EP400: variants seen among roughly 807,000 people sequenced by gnomAD.
EP400 encodes the protein E1A-binding protein p400.
A neutral mutation model predicts 354.1 loss-of-function variants in EP400; 105 were observed. The observed-to-expected ratio is 0.30, with a 90% CI of 0.25 to 0.35. The LOEUF is 0.35. EP400 is among the 10% of genes least tolerant of loss of function. The pLI, the probability that EP400 is intolerant of heterozygous loss-of-function variation, is 1.00. For missense variants in EP400, 3,280 were observed against 4,121.0 expected, an observed-to-expected ratio of 0.80 and a Z score of 5.59; for synonymous variants, 1,646 against 1,716.9, an observed-to-expected ratio of 0.96 and a Z score of 1.02.
At chr12:132,030,595 T>A (rs1227385066) in intron 29 of EP400, among the ~76,000 whole-genome samples, 2 of 152,202 alleles carry the variant, frequency 1.3e-5, no homozygotes, top group African/African-American at 4.8e-5. Flanking sequence ...CATAAACTAG[T>A]ATAGTTCTAG....
intron 32 of EP400, among the ~76,000 whole-genome samples, chr12:132,041,980 T>C: frequency 6.8e-6 from 1 of 147,446 alleles, no homozygotes. Flanking sequence ...TAAGACGGAG[T>C]CCCACTCATC....
chr12:131,971,113 A>G (rs1403482711), intron 2 of EP400, among the ~76,000 whole-genome samples: 1 of 152,138 alleles, frequency 6.6e-6, no homozygotes, highest in Non-Finnish European at 1.5e-5. Context: ...CTGAGGCGGG[A>G]AGATCGCTTG....
Position 132,028,303 on chromosome 12 carries a change from G to A in EP400, c.5381+15G>A, listed in dbSNP as rs368589220. On this transcript the variant is annotated intron_variant, in intron 27 of 52. Transcript: ENST00000389561. ...GTTATTGACAGGTACTGCAGACCTC[G>A]TGACCTTTTCGGTGCTCTCTGGCTG... The A allele has an allele frequency of 8.1e-6, 13 of 1,606,106 alleles. No individual in the cohort carries two copies. The African/African-American group carries it at 1.1e-4, about 13-fold the overall frequency.
In EP400 at chr12:132,050,743, G is replaced by T. The variant is rs115037097; in HGVS notation, c.7394+88G>T. On this transcript the variant is annotated intron_variant, in intron 41 of 52. Transcript: ENST00000389561. This position sits in a 1 kb window ranked among gnomAD's most constrained non-coding sequence, Gnocchi z 4.8. The stretch of plus-strand genomic sequence containing the variant: ...AGTTCAGTGAGTTCAGCAAATCGTT[G>T]TGCACTTAGCGTGTTCAGGCATCAG... 6.0e-4 allele frequency: 923 copies of T among 1,534,564 alleles called. 7 individuals are homozygous for T. In the African/African-American group the frequency reaches 0.01, roughly 17 times the overall value.
intron 32 of EP400, among the ~76,000 whole-genome samples, chr12:132,042,886 C>G (rs1197832501): frequency 6.6e-6 from 1 of 152,250 alleles, no homozygotes. Flanking sequence ...CGTCTGCTGT[C>G]TGTTTCCTGG....
In EP400 at chr12:131,982,168, C is replaced by T. The variant is rs762680481; in HGVS notation, c.1619C>T (p.Thr540Met). The T allele has an allele frequency of 6.7e-5, 108 of 1,607,740 alleles. 1 individual carries two copies. In the East Asian group the frequency reaches 6.9e-4, roughly 10 times the overall value. ...RQSQQQYDPS[T>M]GPPVQNAASL... ...AGTCAGCAGCAGTATGACCCCTCCA[C>T]GGGGCCTCCCGTGCAGAACGCTGCC... is the stretch of plus-strand genomic sequence containing the variant. The change falls in exon 5 of 53, where the codon ACG becomes ATG. Residue 540 changes from threonine (T) to methionine (M), a missense_variant. Physicochemically the swap from Thr to Met is moderately conservative, Grantham distance 81. Coordinates refer to ENST00000389561, the MANE Select transcript of EP400 (RefSeq NM_015409.5).
rs1224791184 is a variant in EP400, at chr12:132,050,061, G to A, written c.7201-262G>A. ...CTGTTTTGTTCCCTCTCCCTCTTGGGGTGATTATGGGGCTTACGTGAGAGA... is the reference window on the plus strand; with the variant it reads ...CTGTTTTGTTCCCTCTCCCTCTTGGAGTGATTATGGGGCTTACGTGAGAGA... On this transcript the variant is annotated intron_variant, in intron 39 of 52. Transcript: ENST00000389561. The surrounding 1 kb of genome is among the most constrained non-coding windows in gnomAD (Gnocchi z 4.8). Among the ~76,000 whole-genome samples the A allele has an allele frequency of 6.6e-6, 1 of 152,188 alleles. No homozygotes were observed. The highest frequency in any genetic ancestry group is 1.9e-4 in the East Asian group (1 of 5,202).
At chr12:132,005,296 T>A in intron 13 of EP400, 112 bp downstream of exon 13, 1 of 679,690 alleles carries the variant, frequency 1.5e-6, no homozygotes, top group Non-Finnish European at 2.3e-6. Context: ...AATAAAAAAT[T>A]AGAAATATTT....
intron 25 of EP400, among the ~76,000 whole-genome samples, chr12:132,026,237 G>T (rs976675923): frequency 1.3e-5 from 2 of 152,196 alleles, no homozygotes; most frequent in Admixed American, 1.3e-4. Context: ...CTCTGTGCCT[G>T]CCTTGGCCCC....
chr12:132,057,775 C>T (rs1389344201), intron 45 of EP400, among the ~76,000 whole-genome samples: 3 of 152,190 alleles, frequency 2.0e-5, no homozygotes, highest in Non-Finnish European at 2.9e-5. Flanking sequence ...TGGAACATCC[C>T]GTATGACCAA....
chr12:131,955,561 C>T (rs1319349412), intron 1 of EP400, among the ~76,000 whole-genome samples: 2 of 152,038 alleles, frequency 1.3e-5, no homozygotes, highest in Admixed American at 6.5e-5. Flanking sequence ...GGATTACGGG[C>T]GTGAGCCAGC....
chr12:132,032,694 G>T (rs1430902153), intron 30 of EP400, among the ~76,000 whole-genome samples: 1 of 150,148 alleles, frequency 6.7e-6, no homozygotes, highest in Non-Finnish European at 1.5e-5. Flanking sequence ...GCAGTGGCAC[G>T]ATCTTGGCTC....
chr12:132,020,513 T>C lies in EP400; in HGVS notation c.4447+295T>C, dbSNP rs867647060. Among the ~76,000 whole-genome samples the C allele has an allele frequency of 5.3e-5, 8 of 152,366 alleles. No homozygotes were observed. In the East Asian group the frequency reaches 9.6e-4, roughly 18 times the overall value. On this transcript the variant is annotated intron_variant, in intron 22 of 52. Transcript: ENST00000389561. The stretch of plus-strand genomic sequence containing the variant: ...TGTTGACAGAGGTGCGTGCGTGCAG[T>C]CGTCTAGGAGACTCCTGAGAACGTC...
In EP400 at chr12:132,017,811, A is replaced by T; in HGVS notation, c.4110+90A>T. 7.3e-7 allele frequency: 1 copy of T among 1,369,672 alleles called. No homozygotes were observed. The highest frequency in any genetic ancestry group is 9.7e-7 in the Non-Finnish European group (1 of 1,030,944). 84.8% of individuals were successfully genotyped at this position (1,369,672 alleles called of 1,614,324 possible). A position where few individuals can be genotyped will look rare whatever the true frequency, so the allele number is the denominator to read the frequency against. On this transcript the variant is annotated intron_variant, in intron 20 of 52. Coordinates refer to ENST00000389561, the MANE Select transcript of EP400 (RefSeq NM_015409.5). The surrounding 1 kb of genome is among the most constrained non-coding windows in gnomAD (Gnocchi z 5.0). The stretch of plus-strand genomic sequence containing the variant: ...AACCATTCTTGGAAATGGGTTCTCA[A>T]CCAGCTCTTCTGCAATTGCAATTGC...
chr12:132,055,721 G>A (rs560250299), intron 45 of EP400, among the ~76,000 whole-genome samples: 1 of 146,746 alleles, frequency 6.8e-6, no homozygotes, highest in Non-Finnish European at 1.5e-5. Flanking sequence ...TGTGTGTGAA[G>A]TGTAGGGGTG....
chr12:132,060,019 T>C (rs528047683), intron 45 of EP400, among the ~76,000 whole-genome samples: 2 of 149,946 alleles, frequency 1.3e-5, no homozygotes, highest in East Asian at 3.9e-4. Flanking sequence ...CGAGACTCCG[T>C]TAAAAAAAAA....
chr12:132,022,693 T>G (rs947429326), intron 23 of EP400, among the ~76,000 whole-genome samples: 2 of 152,136 alleles, frequency 1.3e-5, no homozygotes, highest in Non-Finnish European at 2.9e-5. Flanking sequence ...ATGTTATAGA[T>G]TGACGCTTAC....
At chr12:132,074,144 C>T (rs1231421705) in intron 51 of EP400, among the ~76,000 whole-genome samples, 3 of 151,392 alleles carry the variant, frequency 2.0e-5, no homozygotes, top group Admixed American at 6.6e-5. Context: ...AGACTGGTCT[C>T]GAACACCTGA....
At chr12:131,976,216 T>C (rs1892467692) in intron 2 of EP400, among the ~76,000 whole-genome samples, 1 of 152,236 alleles carries the variant, frequency 6.6e-6, no homozygotes, top group Non-Finnish European at 1.5e-5. Flanking sequence ...TGCCTGCTTA[T>C]TCTAGTACGT....
Sources: gnomAD v4.1 joint callset for allele counts (sites outside exome capture counted in the v4.1 genomes callset) on GRCh38, gnomAD v4.1.1 for gene constraint, Gnocchi (gnomAD v3.1) non-coding constraint, MANE v1.5 for transcripts, NCBI Gene and HGNC (gene_info 2026-07-23, HGNC 2026-07-21) for gene names.